DLG2: variants seen among roughly 807,000 people sequenced by gnomAD.
DLG2 encodes disks large homolog 2.
DLG2 carries 45 observed loss-of-function variants against 132.5 expected under a neutral mutation model. That is an observed-to-expected ratio of 0.34 (90% CI 0.27 to 0.44). The LOEUF (loss-of-function observed/expected upper bound fraction) is 0.44. Among genes scored for constraint, DLG2 ranks in the 20% least tolerant of loss-of-function variants. The pLI, the probability that DLG2 is intolerant of heterozygous loss-of-function variation, is 1.00. For missense variants in DLG2, 1,045 were observed against 1,196.9 expected, an observed-to-expected ratio of 0.87 and a Z score of 1.87; for synonymous variants, 424 against 419.6, an observed-to-expected ratio of 1.01 and a Z score of -0.13.
intron 3 of DLG2, among the ~76,000 whole-genome samples, chr11:85,496,100 A>C (rs1290794251): frequency 6.6e-6 from 1 of 152,218 alleles, no homozygotes; most frequent in Non-Finnish European, 1.5e-5. Context: ...GCACGGTGTC[A>C]CATCACACAG....
chr11:84,393,416 C>A (rs1233712895), intron 7 of DLG2, among the ~76,000 whole-genome samples: 1 of 152,080 alleles, frequency 6.6e-6, no homozygotes, highest in African/African-American at 2.4e-5. Flanking sequence ...CTAAGCACTA[C>A]TCTAACTTTT....
intron 6 of DLG2, chr11:84,546,475 G>C (rs1203157637): frequency 4.2e-6 from 1 of 238,610 alleles, no homozygotes; most frequent in African/African-American, 2.3e-5. Context: ...ACCCAGTCTT[G>C]GGTATTTCTT....
chr11:84,938,431 T>C (rs1318196087), intron 6 of DLG2, among the ~76,000 whole-genome samples: 1 of 152,198 alleles, frequency 6.6e-6, no homozygotes, highest in Non-Finnish European at 1.5e-5. Context: ...CATAGCTTAC[T>C]TTTGTTAAGA....
chr11:85,605,837 G>C (rs2080493373), intron 2 of DLG2, among the ~76,000 whole-genome samples: 1 of 152,158 alleles, frequency 6.6e-6, no homozygotes, highest in African/African-American at 2.4e-5. Flanking sequence ...AAATTAGCTG[G>C]ACATGGTTGC....
chr11:84,448,215 T>C (rs2099041267), intron 7 of DLG2, among the ~76,000 whole-genome samples: 1 of 152,076 alleles, frequency 6.6e-6, no homozygotes, highest in South Asian at 2.1e-4. Context: ...GTATTCTAGC[T>C]ATCTCAACAA....
intron 3 of DLG2, among the ~76,000 whole-genome samples, chr11:85,427,608 A>C (rs2090860194): frequency 6.6e-6 from 1 of 152,220 alleles, no homozygotes; most frequent in Admixed American, 6.5e-5. Flanking sequence ...CCCTGCCCTA[A>C]AAGAGCTCCT....
intron 3 of DLG2, among the ~76,000 whole-genome samples, chr11:85,407,315 T>G (rs2088848859): frequency 6.6e-6 from 1 of 151,842 alleles, no homozygotes; most frequent in Non-Finnish European, 1.5e-5. Flanking sequence ...GTTGGAAGGC[T>G]AATGGGTATA....
chr11:84,241,950 A>C (rs1481266216), intron 8 of DLG2, among the ~76,000 whole-genome samples: 1 of 152,218 alleles, frequency 6.6e-6, no homozygotes, highest in Non-Finnish European at 1.5e-5. Context: ...TGACGCTGCC[A>C]GTTCACAGAC....
chr11:84,701,458 CT>C (rs2153742353), intron 6 of DLG2, among the ~76,000 whole-genome samples: 1 of 151,684 alleles, frequency 6.6e-6, no homozygotes, highest in South Asian at 2.1e-4. Flanking sequence ...AGCATAGCCC[CT>C]AGCTCAGAAT....
intron 5 of DLG2, among the ~76,000 whole-genome samples, chr11:85,124,129 T>G (rs773350142): frequency 6.6e-6 from 1 of 152,236 alleles, no homozygotes; most frequent in East Asian, 1.9e-4. Flanking sequence ...ATTGGCTATG[T>G]GTATACATAG....
At chr11:84,468,487 A>G (rs867170123) in intron 7 of DLG2, among the ~76,000 whole-genome samples, 4 of 151,486 alleles carry the variant, frequency 2.6e-5, no homozygotes, top group African/African-American at 7.3e-5. Flanking sequence ...CCATGCTGCA[A>G]TGATTTAACA....
At chr11:85,207,364 A>G (rs1397848614) in intron 4 of DLG2, among the ~76,000 whole-genome samples, 1 of 152,206 alleles carries the variant, frequency 6.6e-6, no homozygotes, top group Non-Finnish European at 1.5e-5. Context: ...CATCTACAAC[A>G]AATTCTCTCT....
chr11:85,513,263 G>A (rs2094112834), intron 3 of DLG2, among the ~76,000 whole-genome samples: 1 of 151,960 alleles, frequency 6.6e-6, no homozygotes, highest in Admixed American at 6.6e-5. Context: ...TTAGCAATGG[G>A]ATCATTAGAA....
intron 18 of DLG2, among the ~76,000 whole-genome samples, chr11:83,726,393 T>C (rs1269362669): frequency 2.6e-5 from 4 of 152,204 alleles, no homozygotes; most frequent in Admixed American, 6.5e-5. Context: ...TATTTTTCTA[T>C]ATGAATTTCC....
intron 6 of DLG2, among the ~76,000 whole-genome samples, chr11:84,943,354 C>T (rs1023868365): frequency 2.6e-5 from 4 of 151,840 alleles, no homozygotes; most frequent in Non-Finnish European, 2.9e-5. Flanking sequence ...TCCTGCCTGC[C>T]TTTCTGCCTT....
intron 6 of DLG2, among the ~76,000 whole-genome samples, chr11:84,992,235 T>A (rs974501646): frequency 6.6e-6 from 1 of 152,336 alleles, no homozygotes; most frequent in East Asian, 1.9e-4. Context: ...AAGAATTGTA[T>A]GCCTTCCTCC....
intron 10 of DLG2, among the ~76,000 whole-genome samples, chr11:84,065,883 G>A (rs1362205763): frequency 6.6e-6 from 1 of 152,158 alleles, no homozygotes; most frequent in Non-Finnish European, 1.5e-5. Flanking sequence ...ATACTATGCA[G>A]CCATAAAAGT....
chr11:85,145,519 T>C (rs760934392), intron 5 of DLG2, among the ~76,000 whole-genome samples: 3 of 152,064 alleles, frequency 2.0e-5, no homozygotes, highest in Non-Finnish European at 4.4e-5. Context: ...CTCTTTATTA[T>C]TTTTTTCTTC....
At chr11:85,243,131 C>T (rs1458761259) in intron 4 of DLG2, among the ~76,000 whole-genome samples, 1 of 151,988 alleles carries the variant, frequency 6.6e-6, no homozygotes, top group Non-Finnish European at 1.5e-5. Flanking sequence ...ATCCCCCTAC[C>T]ACCAACAGTT....
Sources: allele counts gnomAD v4.1 joint callset (sites outside exome capture counted in the v4.1 genomes callset), GRCh38; gene constraint gnomAD v4.1.1; transcripts MANE v1.5; gene names NCBI Gene and HGNC (gene_info 2026-07-23, HGNC 2026-07-21).